The following MGAM variants were observed in gnomAD, a reference collection of about 807,000 sequenced individuals.
The protein encoded by MGAM is alpha-1,4-glucosidase.
A neutral mutation model predicts 358.8 loss-of-function variants in MGAM; 253 were observed. The ratio of observed to expected loss-of-function variants is 0.71; its 90% confidence interval spans 0.64 to 0.78. The LOEUF (loss-of-function observed/expected upper bound fraction) is 0.78. MGAM is among the 30% of genes least tolerant of loss of function. The pLI is 0.00. For synonymous variants in MGAM, 1,105 were observed against 1,227.1 expected (o/e 0.90, Z 2.08); for missense variants, 3,080 against 3,432.6 (o/e 0.90, Z 2.57).
chr7:142,036,349 A>G (rs1198159802), intron 17 of MGAM, 64 bp downstream of exon 17: 45 of 1,274,882 alleles, frequency 3.5e-5, no homozygotes, highest in Non-Finnish European at 4.2e-5. Flanking sequence ...ATCTGTCTGC[A>G]TCCTTGCCAA....
Position 142,092,468 on chromosome 7 carries a change from G to T in MGAM, c.6946-53G>T, listed in dbSNP as rs146787693. 1,990 of 1,427,624 alleles carry T rather than the reference G, an allele frequency of 1.4e-3. 109 individuals carry two copies. The African/African-American group carries it at 0.024, about 17-fold the overall frequency. 88.4% of individuals were successfully genotyped at this position (1,427,624 alleles called of 1,614,324 possible). The stretch of plus-strand genomic sequence containing the variant: ...TCACTGCTTCCTTGGCTCAGAATTG[G>T]CAGGACGTAATTATCTTAAAAAGTG... On this transcript the variant is annotated intron_variant, in intron 58 of 70. Transcript: ENST00000475668.
At chr7:142,036,700 C>T in intron 17 of MGAM, 123 bp from the exon 18 acceptor site, 1 of 1,084,380 alleles carries the variant, frequency 9.2e-7, no homozygotes. Flanking sequence ...GCGAGGTTTG[C>T]AACCTTGGCC....
chr7:142,069,464 CTCT>C lies in MGAM; in HGVS notation c.5061+768_5061+770del, dbSNP rs536711695. Reference sequence around the variant, plus strand: ...GTATTTCCTTCGTTTCTAACTAGGCCTCTTCTTCTGACTTTCTGAGGAGAACAT... The same window carrying C: ...GTATTTCCTTCGTTTCTAACTAGGCCTCTTCTGACTTTCTGAGGAGAACAT... On this transcript the variant is annotated intron_variant, in intron 43 of 70. Coordinates refer to ENST00000475668, the MANE Select transcript of MGAM (RefSeq NM_001365693.1). Among the ~76,000 whole-genome samples, 78 of 145,638 alleles carry C rather than the reference CTCT, an allele frequency of 5.4e-4. 3 individuals carry two copies. Among genetic ancestry groups the C allele is most frequent in the African/African-American group, 1.8e-3 (74 of 41,104 alleles).
Position 142,005,674 on chromosome 7 carries a change from G to T in MGAM, c.127+17G>T. 6.3e-7 allele frequency: 1 copy of T among 1,596,222 alleles called. No homozygotes were observed. Among genetic ancestry groups the T allele is most frequent in the Non-Finnish European group, 8.5e-7 (1 of 1,170,928 alleles). On this transcript the variant is annotated intron_variant, in intron 2 of 70. Coordinates refer to ENST00000475668, the MANE Select transcript of MGAM (RefSeq NM_001365693.1). ...AATCAACAGGTAAGAAGTAACTCTG[G>T]GGCTCTCTCCATATGTTGTTTTTAT...
intron 31 of MGAM, 105 bp downstream of exon 31, chr7:142,058,433 C>G: frequency 5.2e-6 from 8 of 1,545,622 alleles, no homozygotes; most frequent in Non-Finnish European, 7.0e-6. Context: ...ACATAAAGTT[C>G]TTTTTCAGAC....
chr7:142,067,965 A>T (rs10243909), intron 42 of MGAM, among the ~76,000 whole-genome samples: 672 of 29,788 alleles, frequency 0.023, 26 homozygotes, highest in African/African-American at 0.07. Flanking sequence ...TATATATATA[A>T]ATATATATAT....
At chr7:142,060,405 CAG>C (rs1213547895) in intron 34 of MGAM, 32 bp downstream of exon 34, 4 of 1,609,796 alleles carry the variant, frequency 2.5e-6, no homozygotes, top group Non-Finnish European at 3.4e-6. Flanking sequence ...TGGGTGGAGT[CAG>C]GGTTTGTAGG....
At chr7:142,064,267 G>C in intron 36 of MGAM, 117 bp from the exon 37 acceptor site, 20 of 1,442,832 alleles carry the variant, frequency 1.4e-5, no homozygotes, top group Non-Finnish European at 1.8e-5. Flanking sequence ...GGGAGATGGA[G>C]AGCGACACAG....
At position 142,050,701 on chromosome 7, in the gene MGAM, G is replaced by T. The variant is rs749949340; in HGVS notation, c.2642G>T (p.Arg881Leu). 8.5e-5 allele frequency: 137 copies of T among 1,612,874 alleles called. No homozygotes were observed. The highest frequency in any genetic ancestry group is 1.1e-4 in the Non-Finnish European group (133 of 1,179,256). The change falls in exon 24 of 71, where the codon CGC (arginine) becomes CTC (leucine). Residue 881 changes from arginine to leucine, a missense_variant. This residue lies in a region of MGAM where 1,816 missense variants were observed against 1,840.5 expected (regional missense o/e 0.99). Transcript: ENST00000475668. ...LLCEFSVTQN[R>L]LEVNISQSTY... ...TTGGACTTAATTGTTTTGCAGAACC[G>T]CTTGGAGGTGAATATTTCACAATCA...
At chr7:142,080,255 A>G (rs542158011) in intron 49 of MGAM, among the ~76,000 whole-genome samples, 3 of 145,750 alleles carry the variant, frequency 2.1e-5, no homozygotes, top group African/African-American at 7.3e-5. Flanking sequence ...GCTCTCTTAC[A>G]CTTCTCATTT....
intron 21 of MGAM, among the ~76,000 whole-genome samples, chr7:142,045,508 C>T (rs185155340): frequency 0.59 from 50,762 of 85,810 alleles, 16,077 homozygotes; most frequent in African/African-American, 0.66. Flanking sequence ...TTATATATTA[C>T]ATATACATAT....
Position 142,021,701 on chromosome 7 carries a change from G to C in MGAM, c.674G>C (p.Ser225Thr), listed in dbSNP as rs782529704. 2.5e-6 allele frequency: 4 copies of C among 1,613,932 alleles called. No individual in the cohort carries two copies. The South Asian group carries it at 4.4e-5, about 18-fold the overall frequency. Residue 225 changes from serine (S) to threonine (T), a missense_variant, in exon 6 of 71, where the codon AGC becomes ACC. This residue lies in a region of MGAM where 1,816 missense variants were observed against 1,840.5 expected (regional missense o/e 0.99). Transcript: ENST00000475668. ...YQVEISRQPF[S>T]IKVTRRSNNR... ...GTTGAAATCTCCAGACAGCCATTTA[G>C]CATCAAAGTGACCAGAAGAAGCAAC...
upstream of MGAM, among the ~76,000 whole-genome samples, chr7:141,992,090 G>T (rs1554447471): frequency 6.6e-6 from 1 of 152,182 alleles, no homozygotes; most frequent in Non-Finnish European, 1.5e-5. Context: ...CCTTGGATTG[G>T]GGATTCAGGG....
Position 142,034,869 on chromosome 7 carries a change from G to A in MGAM, c.1959+28G>A, listed in dbSNP as rs1225943462. The stretch of plus-strand genomic sequence containing the variant: ...GAGCTGCTACCTCAAGCTCTCTTAT[G>A]AACCTGAATTCCCAGGCAACCTCAT... On this transcript the variant is annotated intron_variant, in intron 16 of 70. Transcript: ENST00000475668. 5 of 1,586,636 alleles carry A rather than the reference G, an allele frequency of 3.2e-6. No homozygotes were observed. The African/African-American group carries it at 6.7e-5, about 21-fold the overall frequency.
chr7:142,080,228 C>T lies in MGAM; in HGVS notation c.5848-563C>T, dbSNP rs116331945. On this transcript the variant is annotated intron_variant, in intron 49 of 70. Transcript: ENST00000475668. ...CATAGCTCTCCCTTAGCACACATCA[C>T]CCAGGTGTTGTGAGCTGCTCTCTTA... Among the ~76,000 whole-genome samples the T allele has an allele frequency of 8.6e-3, 1,254 of 146,446 alleles. 138 individuals are homozygous for T. The South Asian group carries it at 0.094, about 11-fold the overall frequency.
Position 142,085,854 on chromosome 7 carries a change from G to A in MGAM, c.6529G>A (p.Asp2177Asn), listed in dbSNP as rs764725196. 4 of 1,565,296 alleles carry A rather than the reference G, an allele frequency of 2.6e-6. No individual in the cohort carries two copies. Among genetic ancestry groups the A allele is most frequent in the East Asian group, 4.6e-5 (2 of 43,886 alleles). ...GCAGGACGTGCAGTACTCAGACATC[G>A]ACTACATGGAGCGGCAGCTGGACTT... is the stretch of plus-strand genomic sequence containing the variant. ...IPYDVQYSDI[D>N]YMERQLDFTL... The change falls in exon 55 of 71, where the codon GAC becomes AAC. Residue 2177 changes from aspartate to asparagine, a missense_variant. Transcript: ENST00000475668.
intron 1 of MGAM, among the ~76,000 whole-genome samples, chr7:142,004,798 G>T (rs1190098212): frequency 6.6e-6 from 1 of 151,896 alleles, no homozygotes; most frequent in Admixed American, 6.6e-5. Flanking sequence ...GAATGAGAAA[G>T]CTTAAGTAAA....
intron 42 of MGAM, among the ~76,000 whole-genome samples, chr7:142,067,986 A>ATATATTTTTT (rs1236775159): frequency 2.3e-4 from 2 of 8,694 alleles, no homozygotes; most frequent in African/African-American, 3.6e-4. Context: ...ATATATATAT[A>ATATATTTTTT]TTTTTTTTTT....
At chr7:142,105,141 T>C (rs1360028790) in intron 70 of MGAM, among the ~76,000 whole-genome samples, 1 of 152,128 alleles carries the variant, frequency 6.6e-6, no homozygotes, top group Non-Finnish European at 1.5e-5. Context: ...TAGTGGACTC[T>C]TGCTGGGCAA....
Sources: gnomAD v4.1 joint callset for allele counts (sites outside exome capture counted in the v4.1 genomes callset) on GRCh38, gnomAD v4.1.1 for gene constraint, gnomAD v4.1.1 regional missense constraint, MANE v1.5 for transcripts, NCBI Gene and HGNC (gene_info 2026-07-23, HGNC 2026-07-21) for gene names.